The following CALD1 variants were observed in gnomAD, a reference collection of about 807,000 sequenced individuals.
The protein encoded by CALD1 is caldesmon.
Under a neutral mutation model 99.9 loss-of-function variants are expected in CALD1, and 33 were observed. The ratio of observed to expected loss-of-function variants is 0.33; its 90% confidence interval spans 0.25 to 0.44. The LOEUF is 0.44. Among genes scored for constraint, CALD1 ranks in the 20% least tolerant of loss-of-function variants. The probability of loss-of-function intolerance (pLI) is 1.00; values close to 1 mark genes in which losing one functional copy is unlikely to be tolerated. For synonymous variants in CALD1, 310 were observed against 325.0 expected, an observed-to-expected ratio of 0.95 and a Z score of 0.50; for missense variants, 861 against 962.1, an observed-to-expected ratio of 0.89 and a Z score of 1.39.
At chr7:134,960,496 T>A in intron 12 of CALD1, 37 bp from the exon 13 acceptor site, 1 of 1,250,958 alleles carries the variant, frequency 8.0e-7, no homozygotes, top group Non-Finnish European at 1.2e-6. Context: ...AAAGTTTACT[T>A]CATTCTTTAA....
chr7:134,732,368 A>C, the CALD1 span, among the ~76,000 whole-genome samples: 1 of 152,226 alleles, frequency 6.6e-6, no homozygotes, highest in East Asian at 1.9e-4. Context: ...ATATGTTGAA[A>C]CAATCACCAA....
Position 134,968,470 on chromosome 7 carries a change from T to C in CALD1, c.*125T>C. The C allele has an allele frequency of 8.5e-6, 7 of 819,426 alleles. No homozygotes were observed. Among genetic ancestry groups the C allele is most frequent in the Non-Finnish European group, 1.5e-5 (7 of 474,472 alleles). 50.8% of individuals were successfully genotyped at this position (819,426 alleles called of 1,614,324 possible). A position where few individuals can be genotyped will look rare whatever the true frequency, so the allele number is the denominator to read the frequency against. ...GTTCATTATCTTTTATTTTTCAATA[T>C]CCCAGTAAACCCATGTATATTATCA... On this transcript the variant is annotated 3_prime_UTR_variant, in exon 15 of 15. Coordinates refer to ENST00000361675, the MANE Select transcript of CALD1 (RefSeq NM_033138.4).
upstream of CALD1, among the ~76,000 whole-genome samples, chr7:134,740,002 C>T (rs1345703856): frequency 1.3e-5 from 2 of 152,078 alleles, no homozygotes; most frequent in African/African-American, 4.8e-5. Context: ...ACAAGCATTT[C>T]AGGAACATTT....
intron 1 of CALD1, among the ~76,000 whole-genome samples, chr7:134,825,874 G>C (rs1388726505): frequency 1.3e-5 from 2 of 151,904 alleles, no homozygotes; most frequent in South Asian, 2.1e-4. Context: ...GGTATGCCGG[G>C]GAGAAATACA....
chr7:134,761,227 C>T (rs1432379921), intron 1 of CALD1, among the ~76,000 whole-genome samples: 1 of 152,146 alleles, frequency 6.6e-6, no homozygotes, highest in Non-Finnish European at 1.5e-5. Flanking sequence ...CTCCCTAACC[C>T]CAACCCCCTG....
the CALD1 span, among the ~76,000 whole-genome samples, chr7:134,717,980 G>GA: frequency 2.6e-5 from 4 of 151,816 alleles, no homozygotes; most frequent in East Asian, 3.9e-4. Context: ...TCTTGTCATG[G>GA]AAAAAAAACA....
intron 3 of CALD1, among the ~76,000 whole-genome samples, chr7:134,926,877 A>G (rs537855625): frequency 2.0e-5 from 3 of 152,328 alleles, no homozygotes; most frequent in African/African-American, 7.2e-5. Context: ...TTTAAAGTGT[A>G]TTGTACACTT....
At chr7:134,937,679 C>A (rs1208094426) in intron 6 of CALD1, among the ~76,000 whole-genome samples, 1 of 150,538 alleles carries the variant, frequency 6.6e-6, no homozygotes, top group Non-Finnish European at 1.5e-5. Flanking sequence ...CTAACTAAAA[C>A]CTTTCCTTTC....
At chr7:134,850,937 GC>G (rs1800050535) in intron 2 of CALD1, among the ~76,000 whole-genome samples, 1 of 152,136 alleles carries the variant, frequency 6.6e-6, no homozygotes, top group Non-Finnish European at 1.5e-5. Context: ...CCCCACACAT[GC>G]TCTCTCTAGC....
In CALD1 at chr7:134,960,621, A is replaced by T; in HGVS notation, c.2288A>T (p.Lys763Ile). The change falls in exon 13 of 15, where the codon AAA (lysine) becomes ATA (isoleucine). Residue 763 changes from lysine to isoleucine, a missense_variant. Transcript: ENST00000361675. The stretch of plus-strand genomic sequence containing the variant: ...GATGGAAACAAGTCACCTGCTCCCA[A>T]ACCTTCTGTAAGTACCTTTAGGTTT... Reference protein sequence around the residue: ...TPDGNKSPAPKPSDLRPGDVS... With the variant: ...TPDGNKSPAPIPSDLRPGDVS... 1 of 1,602,142 alleles carries T rather than the reference A, an allele frequency of 6.2e-7. No individual in the cohort carries two copies. Among genetic ancestry groups the T allele is most frequent in the Non-Finnish European group, 8.6e-7 (1 of 1,169,068 alleles).
At chr7:134,882,950 T>C (rs1801676515) in intron 3 of CALD1, among the ~76,000 whole-genome samples, 2 of 152,294 alleles carry the variant, frequency 1.3e-5, no homozygotes, top group Middle Eastern at 3.4e-3. Context: ...TTATAAATGG[T>C]TTATGCTCCT....
At chr7:134,898,066 AG>A (rs1256601853) in intron 3 of CALD1, among the ~76,000 whole-genome samples, 1 of 152,080 alleles carries the variant, frequency 6.6e-6, no homozygotes, top group Non-Finnish European at 1.5e-5. Context: ...CTGGGATTAC[AG>A]GCGCCCGCCA....
At chr7:134,792,128 G>C (rs1397689843) in intron 1 of CALD1, among the ~76,000 whole-genome samples, 1 of 152,150 alleles carries the variant, frequency 6.6e-6, no homozygotes, top group Non-Finnish European at 1.5e-5. Context: ...TCTGGATGGA[G>C]GTTAGAAGTC....
chr7:134,959,204 G>C (rs1367499168), intron 11 of CALD1, among the ~76,000 whole-genome samples: 1 of 151,212 alleles, frequency 6.6e-6, no homozygotes, highest in Admixed American at 6.6e-5. Flanking sequence ...TTTTGAGATG[G>C]AGTTTCGCTC....
At chr7:134,751,077 A>G (rs548189818) in intron 1 of CALD1, among the ~76,000 whole-genome samples, 1 of 152,328 alleles carries the variant, frequency 6.6e-6, no homozygotes, top group South Asian at 2.1e-4. Flanking sequence ...CTGAGACAGT[A>G]TGATATAGTG....
rs1808819502 is a variant in CALD1 at position 134,968,257 on chromosome 7, TA to T, written c.2377-82del. The T allele has an allele frequency of 7.6e-5, 87 of 1,140,124 alleles. 2 individuals carry two copies. The South Asian group carries it at 1.1e-3, about 14-fold the overall frequency. 70.6% of individuals were successfully genotyped at this position (1,140,124 alleles called of 1,614,324 possible). A position where few individuals can be genotyped will look rare whatever the true frequency, so the allele number is the denominator to read the frequency against. On this transcript the variant is annotated intron_variant, in intron 14 of 14. Coordinates refer to ENST00000361675, the MANE Select transcript of CALD1 (RefSeq NM_033138.4). Reference sequence around the variant, plus strand: ...TACTATTATTCATTTTTCTTCTGACTATAAAAACCATCTGCCTGAAACACTG... The same window carrying T: ...TACTATTATTCATTTTTCTTCTGACTTAAAAACCATCTGCCTGAAACACTG...
At chr7:134,723,662 T>G in the CALD1 span, among the ~76,000 whole-genome samples, 1 of 150,594 alleles carries the variant, frequency 6.6e-6, no homozygotes, top group Non-Finnish European at 1.5e-5. Context: ...AGAGAACATG[T>G]GGCATGTCTG....
chr7:134,914,046 A>G (rs928633971), intron 3 of CALD1, among the ~76,000 whole-genome samples: 1 of 152,230 alleles, frequency 6.6e-6, no homozygotes, highest in Admixed American at 6.5e-5. Flanking sequence ...AGTATAAAAT[A>G]TAAAGCTTGA....
rs115332640 is a variant in CALD1 at position 134,950,621 on chromosome 7, T to C, written c.1935+107T>C. 2.8e-3 allele frequency: 2,572 copies of C among 934,290 alleles called. 48 individuals carry two copies. In the African/African-American group the frequency reaches 0.039, roughly 14 times the overall value. 57.9% of individuals were successfully genotyped at this position (934,290 alleles called of 1,614,324 possible). A position where few individuals can be genotyped will look rare whatever the true frequency, so the allele number is the denominator to read the frequency against. On this transcript the variant is annotated intron_variant, in intron 9 of 14. Coordinates refer to ENST00000361675, the MANE Select transcript of CALD1 (RefSeq NM_033138.4). ...GGCCTTTGTTCATTTATCTTTTTGC[T>C]ATCCTTCCAAGTTAATCTGTTCAGG...
Sources: gnomAD v4.1 joint callset for allele counts (sites outside exome capture counted in the v4.1 genomes callset) on GRCh38, gnomAD v4.1.1 for gene constraint, MANE v1.5 for transcripts, NCBI Gene and HGNC (gene_info 2026-07-23, HGNC 2026-07-21) for gene names.